Variants in RAVER2 observed in about 807,000 individuals in gnomAD.
The protein encoded by RAVER2 is ribonucleoprotein PTB-binding 2.
RAVER2 carries 46 observed loss-of-function variants against 78.1 expected under a neutral mutation model. That is an observed-to-expected ratio of 0.59 (90% CI 0.46 to 0.75). RAVER2 has a LOEUF of 0.75. Among genes scored for constraint, RAVER2 ranks in the 30% least tolerant of loss-of-function variants. The pLI is 0.00. For synonymous variants in RAVER2, 311 were observed against 313.3 expected, an observed-to-expected ratio of 0.99 and a Z score of 0.08; for missense variants, 793 against 837.5, an observed-to-expected ratio of 0.95 and a Z score of 0.66.
exon 12 of RAVER2, chr1:64,833,188 G>A (rs1422095656): frequency 2.1e-5 from 4 of 193,490 alleles, no homozygotes; most frequent in Non-Finnish European, 3.2e-5. Flanking sequence ...TGTTTGAAAT[G>A]CTTTGAAAAT....
chr1:64,796,264 T>C (rs892387648), intron 5 of RAVER2, among the ~76,000 whole-genome samples: 2 of 151,992 alleles, frequency 1.3e-5, no homozygotes, highest in Admixed American at 1.3e-4. Flanking sequence ...TGTAATATAT[T>C]TTCTGGTTTT....
At chr1:64,822,342 G>C (rs766269218) in intron 11 of RAVER2, among the ~76,000 whole-genome samples, 12 of 152,182 alleles carry the variant, frequency 7.9e-5, no homozygotes, top group Non-Finnish European at 1.5e-4. Flanking sequence ...TATCAATAAA[G>C]AGAGAGAAAT....
intron 1 of RAVER2, among the ~76,000 whole-genome samples, chr1:64,751,285 A>G (rs1423423904): frequency 1.3e-5 from 2 of 152,262 alleles, no homozygotes; most frequent in African/African-American, 4.8e-5. Context: ...GTAAGATTAC[A>G]CTAAGTAGTA....
rs147940880 is a variant in RAVER2, at chr1:64,779,197, A to G, written c.786+1105A>G. 1.1e-4 allele frequency among the ~76,000 whole-genome samples: 17 copies of G among 152,066 alleles called. No individual in the cohort carries two copies. In the East Asian group the frequency reaches 3.3e-3, roughly 29 times the overall value. On this transcript the variant is annotated intron_variant, in intron 3 of 11. Transcript: ENST00000294428. ...AATACAATATGTTGTTATTAACTGT[A>G]GTCATCATGTTGTCCAAAAGATCTT... is the stretch of plus-strand genomic sequence containing the variant.
At chr1:64,751,855 T>C (rs1651707338) in intron 1 of RAVER2, among the ~76,000 whole-genome samples, 1 of 152,196 alleles carries the variant, frequency 6.6e-6, no homozygotes, top group African/African-American at 2.4e-5. Context: ...AATATTAAAA[T>C]GTAAATAAAA....
At chr1:64,802,659 A>G (rs1477506344) in intron 5 of RAVER2, among the ~76,000 whole-genome samples, 1 of 152,258 alleles carries the variant, frequency 6.6e-6, no homozygotes, top group Non-Finnish European at 1.5e-5. Flanking sequence ...CTGAATAAAT[A>G]ACATGGGTTC....
intron 1 of RAVER2, among the ~76,000 whole-genome samples, chr1:64,753,614 C>A (rs1018448114): frequency 6.6e-6 from 1 of 150,564 alleles, no homozygotes. Context: ...ACCTCCGCCT[C>A]CCAGTTTCAA....
chr1:64,814,558 A>G (rs1653707322), intron 10 of RAVER2, 146 bp from the exon 11 acceptor site: 2 of 420,954 alleles, frequency 4.8e-6, no homozygotes, highest in Admixed American at 5.4e-5. Flanking sequence ...GTTCTATTTG[A>G]TAATGTGCTG....
exon 12 of RAVER2, chr1:64,832,063 T>G (rs1437074184): frequency 6.6e-6 from 1 of 152,646 alleles, no homozygotes; most frequent in African/African-American, 2.4e-5. Flanking sequence ...CTTTAGCCTT[T>G]AGACAGACTT....
In RAVER2 at chr1:64,807,194, G is replaced by T. The variant is rs774778562; in HGVS notation, c.1412-12G>T. On this transcript the variant is annotated splice_polypyrimidine_tract_variant and intron_variant, in intron 8 of 11. Coordinates refer to ENST00000294428, the Ensembl canonical transcript of RAVER2. ...CTAACTAAAAGCTTTTTGCATTTAT[G>T]GTTTGCTACAGCATCTAGCCTGATT... 6.3e-6 allele frequency: 10 copies of T among 1,593,972 alleles called. No individual in the cohort carries two copies. Among genetic ancestry groups the T allele is most frequent in the Admixed American group, 5.2e-5 (3 of 57,746 alleles).
chr1:64,822,868 A>G (rs1653920098), intron 11 of RAVER2, among the ~76,000 whole-genome samples: 2 of 152,266 alleles, frequency 1.3e-5, no homozygotes, highest in South Asian at 4.1e-4. Context: ...GGAATGGAGT[A>G]CTGATCCATG....
chr1:64,831,703 T>G (rs979867286), exon 12 of RAVER2: 1 of 152,248 alleles, frequency 6.6e-6, no homozygotes, highest in Non-Finnish European at 1.5e-5. Flanking sequence ...ACATTTGGTC[T>G]ACCACCCGCT....
At chr1:64,764,557 T>G (rs963670741) in intron 1 of RAVER2, among the ~76,000 whole-genome samples, 3 of 152,214 alleles carry the variant, frequency 2.0e-5, no homozygotes, top group Non-Finnish European at 4.4e-5. Flanking sequence ...AAATTTGATA[T>G]TATTAAAATG....
At chr1:64,771,234 A>G (rs1570540446) in intron 2 of RAVER2, among the ~76,000 whole-genome samples, 1 of 152,184 alleles carries the variant, frequency 6.6e-6, no homozygotes, top group East Asian at 1.9e-4. Flanking sequence ...AAACAACACA[A>G]TTGAAAAGAC....
intron 1 of RAVER2, among the ~76,000 whole-genome samples, chr1:64,747,802 A>G (rs570678338): frequency 6.6e-6 from 1 of 152,212 alleles, no homozygotes; most frequent in Non-Finnish European, 1.5e-5. Context: ...GGTGTGAGCC[A>G]CTGTGCCTGG....
At chr1:64,793,199 T>A (rs1466407842) in intron 5 of RAVER2, among the ~76,000 whole-genome samples, 1 of 152,040 alleles carries the variant, frequency 6.6e-6, no homozygotes, top group Non-Finnish European at 1.5e-5. Context: ...CGAGACTCCA[T>A]CTCAAGAAAA....
intron 1 of RAVER2, among the ~76,000 whole-genome samples, chr1:64,751,678 T>C (rs1244615878): frequency 1.3e-5 from 2 of 152,204 alleles, no homozygotes; most frequent in Non-Finnish European, 2.9e-5. Flanking sequence ...TGCACTGCAC[T>C]GTGGCCTCAA....
At chr1:64,781,281 C>T in intron 3 of RAVER2, 99 bp from the exon 4 acceptor site, 1 of 1,086,968 alleles carries the variant, frequency 9.2e-7, no homozygotes. Context: ...CAGTATCATG[C>T]TCCAATGCAC....
At chr1:64,806,421 AC>A (rs1653420606) in intron 8 of RAVER2, among the ~76,000 whole-genome samples, 1 of 152,208 alleles carries the variant, frequency 6.6e-6, no homozygotes, top group Admixed American at 6.5e-5. Context: ...CAAAAAACAA[AC>A]AAAAAAACCC....
Sources: gnomAD v4.1 joint callset for allele counts (sites outside exome capture counted in the v4.1 genomes callset) on GRCh38, gnomAD v4.1.1 for gene constraint, MANE v1.5 for transcripts, NCBI Gene and HGNC (gene_info 2026-07-23, HGNC 2026-07-21) for gene names.